TPD52: variants seen among roughly 807,000 people sequenced by gnomAD.
TPD52 encodes the protein tumor protein D52.
In TPD52, 17 loss-of-function variants were observed where a neutral mutation model predicts 31.3. The ratio of observed to expected loss-of-function variants is 0.54; its 90% CI spans 0.37 to 0.82. The LOEUF is 0.82. Among genes scored for constraint, TPD52 ranks in the 40% least tolerant of loss-of-function variants. TPD52 has a pLI of 0.00. For synonymous variants in TPD52, 83 were observed against 89.6 expected (o/e 0.93, Z 0.42); for missense variants, 212 against 240.1 (o/e 0.88, Z 0.77).
rs1357940610 is a variant in TPD52, at chr8:80,094,428, TTTTATATA to T, written c.20-29843_20-29836del. 1.6e-3 allele frequency among the ~76,000 whole-genome samples: 112 copies of T among 69,094 alleles called. 2 individuals carry two copies. The highest frequency in any genetic ancestry group is 3.9e-3 in the African/African-American group (92 of 23,416). 45.3% of individuals were successfully genotyped at this position (69,094 alleles called of 152,430 possible). ...TGACTAAGTTCTAGACAAAAGAAAA[TTTTATATA>T]TATATATATATATATATATATATAT... On this transcript the variant is annotated intron_variant, in intron 1 of 7. Transcript: ENST00000518937.
intron 2 of TPD52, 107 bp downstream of exon 2, chr8:80,064,371 T>C: frequency 1.1e-6 from 1 of 891,394 alleles, no homozygotes; most frequent in Non-Finnish European, 1.8e-6. Flanking sequence ...ACATATGCTT[T>C]CTCTCCCCTG....
At chr8:80,164,018 GAGAGAC>G (rs201388277) in intron 1 of TPD52, among the ~76,000 whole-genome samples, 2,548 of 120,540 alleles carry the variant, frequency 0.021, 27 homozygotes, top group Middle Eastern at 0.028. Flanking sequence ...AACTGTGAGA[GAGAGAC>G]AGAGAGAGAG....
chr8:80,155,014 T>G (rs1248713684), intron 1 of TPD52, among the ~76,000 whole-genome samples: 6 of 151,386 alleles, frequency 4.0e-5, no homozygotes, highest in Non-Finnish European at 7.4e-5. Context: ...TTTTTTTTTT[T>G]TGAGACAAGG....
intron 5 of TPD52, among the ~76,000 whole-genome samples, chr8:80,049,379 T>C (rs531997420): frequency 5.5e-4 from 83 of 152,232 alleles, no homozygotes; most frequent in Non-Finnish European, 1.3e-4. Context: ...TTTAACTGAA[T>C]GCCAACGATA....
intron 2 of TPD52, 57 bp from the exon 3 acceptor site, chr8:80,053,487 T>C: frequency 2.6e-6 from 4 of 1,560,006 alleles, no homozygotes; most frequent in South Asian, 1.2e-5. Context: ...TAAGTTAAGA[T>C]TATTACCACA....
At chr8:80,119,835 A>G (rs1226251127) in intron 1 of TPD52, 1 of 420,512 alleles carries the variant, frequency 2.4e-6, no homozygotes, top group Non-Finnish European at 4.6e-6. Flanking sequence ...AGTGGAGAAA[A>G]GATAAATCTT....
chr8:80,063,869 A>C (rs911387818), intron 2 of TPD52, among the ~76,000 whole-genome samples: 1 of 140,306 alleles, frequency 7.1e-6, no homozygotes, highest in Non-Finnish European at 1.5e-5. Context: ...GGAAAGAAAA[A>C]AGTAAGAAGG....
intron 1 of TPD52, among the ~76,000 whole-genome samples, chr8:80,086,911 C>CAAAAAAAA (rs1815845476): frequency 3.4e-5 from 3 of 88,644 alleles, no homozygotes; most frequent in Non-Finnish European, 4.9e-5. Flanking sequence ...AAAAAAAAAT[C>CAAAAAAAA]AAATTTACTG....
At chr8:80,064,078 G>A (rs1294762633) in intron 2 of TPD52, among the ~76,000 whole-genome samples, 1 of 150,796 alleles carries the variant, frequency 6.6e-6, no homozygotes, top group Non-Finnish European at 1.5e-5. Context: ...GGGAAGGAGG[G>A]AGCTGGAAGG....
intron 1 of TPD52, among the ~76,000 whole-genome samples, chr8:80,140,291 C>T (rs1586379568): frequency 6.6e-6 from 1 of 152,218 alleles, no homozygotes; most frequent in African/African-American, 2.4e-5. Flanking sequence ...GAGTTAGAAT[C>T]TTTTAATTAA....
intron 1 of TPD52, among the ~76,000 whole-genome samples, chr8:80,162,866 T>A (rs1252796792): frequency 3.9e-5 from 6 of 151,922 alleles, no homozygotes; most frequent in African/African-American, 1.5e-4. Flanking sequence ...TTCAAGGTTA[T>A]GGTAATCTAT....
chr8:80,146,487 T>C (rs544456252), intron 1 of TPD52, among the ~76,000 whole-genome samples: 1 of 152,320 alleles, frequency 6.6e-6, no homozygotes, highest in Non-Finnish European at 1.5e-5. Flanking sequence ...AGGCAGAGAA[T>C]AAAACAAACT....
intron 4 of TPD52, chr8:80,051,127 T>C: frequency 5.0e-6 from 1 of 198,986 alleles, no homozygotes; most frequent in Non-Finnish European, 1.0e-5. Context: ...TGATATAAAA[T>C]GTCACATATA....
intron 1 of TPD52, among the ~76,000 whole-genome samples, chr8:80,085,355 G>A (rs974822509): frequency 6.6e-5 from 10 of 151,848 alleles, no homozygotes; most frequent in Non-Finnish European, 1.5e-4. Context: ...TTAAGTTTCT[G>A]TCTGCCTGTT....
intron 5 of TPD52, among the ~76,000 whole-genome samples, chr8:80,048,997 A>G (rs1586153609): frequency 1.3e-5 from 2 of 152,228 alleles, no homozygotes; most frequent in South Asian, 2.1e-4. Flanking sequence ...TGATGAATTA[A>G]TAAGACAGCA....
At chr8:80,154,495 A>G (rs1356869239) in intron 1 of TPD52, among the ~76,000 whole-genome samples, 1 of 152,224 alleles carries the variant, frequency 6.6e-6, no homozygotes, top group Non-Finnish European at 1.5e-5. Flanking sequence ...CTTAAGTGAT[A>G]ACAAAAAATC....
intron 1 of TPD52, among the ~76,000 whole-genome samples, chr8:80,096,633 A>G (rs1351950340): frequency 2.6e-5 from 4 of 152,008 alleles, no homozygotes; most frequent in African/African-American, 4.8e-5. Flanking sequence ...CATTATTATT[A>G]TATCTGTTAT....
intron 1 of TPD52, among the ~76,000 whole-genome samples, chr8:80,084,722 C>CA (rs1276699750): frequency 6.6e-6 from 1 of 152,184 alleles, no homozygotes; most frequent in African/African-American, 2.4e-5. Flanking sequence ...ATTACTCAAC[C>CA]ATGCTTTAGC....
chr8:80,091,972 T>C (rs983499019), intron 1 of TPD52, among the ~76,000 whole-genome samples: 1 of 152,224 alleles, frequency 6.6e-6, no homozygotes, highest in African/African-American at 2.4e-5. Context: ...ACTATATACA[T>C]TTGAACATAA....
Sources: gnomAD v4.1 joint callset for allele counts (sites outside exome capture counted in the v4.1 genomes callset) on GRCh38, gnomAD v4.1.1 for gene constraint, MANE v1.5 for transcripts, NCBI Gene and HGNC (gene_info 2026-07-23, HGNC 2026-07-21) for gene names.